THSD7B: variants seen among roughly 807,000 people sequenced by gnomAD.
THSD7B encodes the protein thrombospondin type-1 domain-containing protein 7B.
A neutral mutation model predicts 213.6 loss-of-function variants in THSD7B; 138 were observed. That is an observed-to-expected ratio of 0.65 (90% confidence interval 0.56 to 0.74). The LOEUF is 0.74. Ranked by LOEUF, THSD7B falls within the 30% of genes least tolerant of loss-of-function variation. The pLI, the probability that THSD7B is intolerant of heterozygous loss-of-function variation, is 0.00. For missense variants in THSD7B, 1,931 were observed against 1,991.5 expected (o/e 0.97, Z 0.58); for synonymous variants, 742 against 687.0 (o/e 1.08, Z -1.25).
intron 2 of THSD7B, among the ~76,000 whole-genome samples, chr2:136,892,781 C>G (rs760336962): frequency 6.6e-6 from 1 of 152,078 alleles, no homozygotes; most frequent in Non-Finnish European, 1.5e-5. Flanking sequence ...CTTGCCCCTT[C>G]TTAGAGTGTC....
At chr2:136,795,684 A>G (rs1337925678) in intron 1 of THSD7B, among the ~76,000 whole-genome samples, 4 of 151,894 alleles carry the variant, frequency 2.6e-5, no homozygotes, top group African/African-American at 9.7e-5. Flanking sequence ...CAGGTCTACC[A>G]TCTTGCCTTT....
At chr2:136,987,849 T>G (rs535922320) in intron 2 of THSD7B, among the ~76,000 whole-genome samples, 1 of 152,300 alleles carries the variant, frequency 6.6e-6, no homozygotes, top group African/African-American at 2.4e-5. Context: ...TCTGGGAAAC[T>G]CCAGCAACAT....
intron 1 of THSD7B, among the ~76,000 whole-genome samples, chr2:136,779,365 AG>A (rs555710990): frequency 1.1e-4 from 17 of 152,074 alleles, no homozygotes; most frequent in Admixed American, 2.6e-4. Flanking sequence ...TAGAAAGACA[AG>A]TGTCTTTGTT....
intron 2 of THSD7B, among the ~76,000 whole-genome samples, chr2:136,962,801 A>C (rs1273853876): frequency 2.6e-5 from 4 of 152,242 alleles, no homozygotes; most frequent in Admixed American, 6.5e-5. Flanking sequence ...TCATAAAGAT[A>C]AGTGATCTAT....
chr2:137,119,579 C>A (rs1394731504), intron 5 of THSD7B, among the ~76,000 whole-genome samples: 4 of 152,156 alleles, frequency 2.6e-5, no homozygotes, highest in Admixed American at 2.6e-4. Context: ...CAGTAGCAGC[C>A]TGTGCACTGG....
chr2:137,122,754 A>G (rs1231181466), intron 5 of THSD7B, among the ~76,000 whole-genome samples: 6 of 152,036 alleles, frequency 3.9e-5, no homozygotes, highest in Non-Finnish European at 8.8e-5. Context: ...GCTGCCCACT[A>G]TCATATAGTC....
chr2:137,306,055 C>A (rs937591201), intron 12 of THSD7B, among the ~76,000 whole-genome samples: 2 of 152,136 alleles, frequency 1.3e-5, no homozygotes, highest in Admixed American at 6.5e-5. Context: ...ATTTGCAGGA[C>A]TGGAAGTTGC....
At position 137,350,550 on chromosome 2, in the gene THSD7B, C is replaced by T. The variant is rs1017307241; in HGVS notation, c.2501-55063C>T. On this transcript the variant is annotated intron_variant, in intron 12 of 27. Transcript: ENST00000409968. ...TATAAGCCACATTCATGTATCTAGA[C>T]GTTATGATAAAAGCAATAGAACCAT... Among the ~76,000 whole-genome samples, 9 of 151,744 alleles carry T rather than the reference C, an allele frequency of 5.9e-5. No homozygotes were observed. In the East Asian group the frequency reaches 1.4e-3, roughly 23 times the overall value.
intron 15 of THSD7B, among the ~76,000 whole-genome samples, chr2:137,513,161 G>C (rs1680002235): frequency 6.6e-6 from 1 of 152,106 alleles, no homozygotes; most frequent in Non-Finnish European, 1.5e-5. Context: ...AAACAATACT[G>C]TTTATTTCTC....
chr2:137,674,521 A>T (rs1683652168), intron 27 of THSD7B, among the ~76,000 whole-genome samples: 1 of 152,122 alleles, frequency 6.6e-6, no homozygotes, highest in African/African-American at 2.4e-5. Context: ...TATACCCAGG[A>T]CTCCATGTCA....
chr2:137,506,830 G>T (rs1038799885), intron 15 of THSD7B, among the ~76,000 whole-genome samples: 1 of 152,172 alleles, frequency 6.6e-6, no homozygotes, highest in African/African-American at 2.4e-5. Context: ...GGCTCAGTAG[G>T]CAGCTAATAG....
intron 15 of THSD7B, among the ~76,000 whole-genome samples, chr2:137,517,446 G>T (rs934622775): frequency 6.6e-5 from 10 of 152,204 alleles, no homozygotes; most frequent in Admixed American, 4.6e-4. Context: ...GGGGTCTGGT[G>T]GTGTGAGGCC....
At chr2:136,923,749 TC>T (rs1684476081) in intron 2 of THSD7B, among the ~76,000 whole-genome samples, 1 of 152,212 alleles carries the variant, frequency 6.6e-6, no homozygotes, top group Non-Finnish European at 1.5e-5. Flanking sequence ...TATTCATATG[TC>T]TCTTTTGGAG....
chr2:136,996,398 G>A (rs142953975), intron 2 of THSD7B, among the ~76,000 whole-genome samples: 91 of 150,004 alleles, frequency 6.1e-4, no homozygotes, highest in African/African-American at 2.0e-3. Flanking sequence ...CTGGAGTGCC[G>A]TGACGCAATT....
At chr2:137,312,103 C>G (rs1218030503) in intron 12 of THSD7B, among the ~76,000 whole-genome samples, 3 of 151,452 alleles carry the variant, frequency 2.0e-5, no homozygotes, top group Admixed American at 1.3e-4. Flanking sequence ...CCTTGTACCT[C>G]TGGTAGAATT....
chr2:136,889,504 A>T (rs1683778365), intron 2 of THSD7B, among the ~76,000 whole-genome samples: 1 of 152,224 alleles, frequency 6.6e-6, no homozygotes, highest in African/African-American at 2.4e-5. Context: ...TAAATCAACA[A>T]ACAGTGCCCA....
chr2:137,036,024 C>T (rs1686767732), intron 2 of THSD7B, among the ~76,000 whole-genome samples: 1 of 152,118 alleles, frequency 6.6e-6, no homozygotes, highest in Non-Finnish European at 1.5e-5. Context: ...AATGTGCTTT[C>T]ATATATTCAA....
chr2:136,965,722 A>G (rs1685302973), intron 2 of THSD7B, among the ~76,000 whole-genome samples: 1 of 151,492 alleles, frequency 6.6e-6, no homozygotes. Context: ...GTTATCCTTT[A>G]TTTTCTGATT....
chr2:137,198,600 C>G (rs1680813874), intron 7 of THSD7B, among the ~76,000 whole-genome samples: 1 of 152,096 alleles, frequency 6.6e-6, no homozygotes, highest in Non-Finnish European at 1.5e-5. Flanking sequence ...AGAACATGTC[C>G]TTCTTCCCCT....
Sources: gnomAD v4.1 joint callset for allele counts (sites outside exome capture counted in the v4.1 genomes callset) on GRCh38, gnomAD v4.1.1 for gene constraint, MANE v1.5 for transcripts, NCBI Gene and HGNC (gene_info 2026-07-23, HGNC 2026-07-21) for gene names.